The following CAPZB variants were observed in gnomAD, a reference collection of about 807,000 sequenced individuals.
CAPZB encodes capping actin protein of muscle Z-line subunit beta, also known as F-actin-capping protein subunit beta.
CAPZB carries 2 observed loss-of-function variants against 38.1 expected under a neutral mutation model. That is an observed-to-expected ratio of 0.05 (90% CI 0.02 to 0.17). CAPZB has a LOEUF of 0.17. Among genes scored for constraint, CAPZB ranks in the 10% least tolerant of loss-of-function variants. The pLI is 1.00. For missense variants in CAPZB, 161 were observed against 334.2 expected (o/e 0.48, Z 4.04); for synonymous variants, 107 against 127.4 (o/e 0.84, Z 1.08).
chr1:19,464,120 G>A (rs958008485), intron 1 of CAPZB, among the ~76,000 whole-genome samples: 1 of 151,584 alleles, frequency 6.6e-6, no homozygotes, highest in Non-Finnish European at 1.5e-5. Flanking sequence ...CTGGGAGACA[G>A]AGGTTGTAGT....
In CAPZB at chr1:19,485,463, G is replaced by C; in HGVS notation, c.-25C>G. 4 of 1,230,166 alleles carry C rather than the reference G, an allele frequency of 3.3e-6. No homozygotes were observed. Among genetic ancestry groups the C allele is most frequent in the Non-Finnish European group, 4.1e-6 (4 of 987,288 alleles). The allele number at this position is 1,230,166 out of a possible 1,614,324, so 76.2% of individuals were successfully genotyped here. On this transcript the variant is annotated 5_prime_UTR_variant, in exon 1 of 9. Coordinates refer to ENST00000264202, the MANE Select transcript of CAPZB (RefSeq NM_004930.5). ...TGGTGGCGGCGGCGGCGGCGGTCCCGGTCCCGGCGTCAGTGGCTCTCCCCC... is the reference window on the plus strand; with the variant it reads ...TGGTGGCGGCGGCGGCGGCGGTCCCCGTCCCGGCGTCAGTGGCTCTCCCCC...
At chr1:19,381,235 A>T (rs1242355049) in intron 3 of CAPZB, among the ~76,000 whole-genome samples, 1 of 151,972 alleles carries the variant, frequency 6.6e-6, no homozygotes, top group African/African-American at 2.4e-5. Context: ...TAAATAAAAT[A>T]AAAAAGCATG....
At chr1:19,371,443 G>A (rs1309934634) in intron 4 of CAPZB, among the ~76,000 whole-genome samples, 4 of 152,244 alleles carry the variant, frequency 2.6e-5, no homozygotes, top group Non-Finnish European at 1.5e-5. Flanking sequence ...GGGGTCTGAC[G>A]CACAGTGTGT....
intron 2 of CAPZB, among the ~76,000 whole-genome samples, chr1:19,394,936 G>A (rs902463392): frequency 6.6e-6 from 1 of 152,062 alleles, no homozygotes; most frequent in Non-Finnish European, 1.5e-5. Flanking sequence ...TCATGACGCA[G>A]GGAGACAGCA....
At chr1:19,417,670 AT>A (rs1246192947) in intron 2 of CAPZB, among the ~76,000 whole-genome samples, 2 of 152,170 alleles carry the variant, frequency 1.3e-5, no homozygotes, top group African/African-American at 4.8e-5. Flanking sequence ...ACTTTCAAGG[AT>A]ACCTCCTACC....
chr1:19,433,765 C>T (rs2094449667), intron 1 of CAPZB, among the ~76,000 whole-genome samples: 1 of 152,184 alleles, frequency 6.6e-6, no homozygotes, highest in Non-Finnish European at 1.5e-5. Context: ...GCTATTTCTT[C>T]CCTGGGCTCT....
chr1:19,471,052 T>A (rs2094585297), intron 1 of CAPZB, among the ~76,000 whole-genome samples: 1 of 152,228 alleles, frequency 6.6e-6, no homozygotes, highest in Non-Finnish European at 1.5e-5. Context: ...AAACCCTATA[T>A]ATACTGTTTT....
At chr1:19,376,147 C>A (rs538167985) in intron 4 of CAPZB, among the ~76,000 whole-genome samples, 1 of 152,310 alleles carries the variant, frequency 6.6e-6, no homozygotes, top group South Asian at 2.1e-4. Flanking sequence ...ATCAGAATCA[C>A]CCCCACCTCC....
chr1:19,423,254 A>G (rs1251098819), intron 1 of CAPZB, among the ~76,000 whole-genome samples: 2 of 152,220 alleles, frequency 1.3e-5, no homozygotes, highest in African/African-American at 4.8e-5. Flanking sequence ...CAACATGGGA[A>G]AGCTTAATGA....
At chr1:19,374,897 G>A (rs1193665486) in intron 4 of CAPZB, among the ~76,000 whole-genome samples, 1 of 152,226 alleles carries the variant, frequency 6.6e-6, no homozygotes, top group Non-Finnish European at 1.5e-5. Context: ...TGTTTGTATG[G>A]GGAAGGGCTA....
In CAPZB at chr1:19,485,490, C is replaced by T. The variant is rs537868097; in HGVS notation, c.-52G>A. The T allele has an allele frequency of 2.7e-5, 33 of 1,227,076 alleles. No homozygotes were observed. The South Asian group carries it at 3.7e-4, about 14-fold the overall frequency. The allele number at this position is 1,227,076 out of a possible 1,614,324, so 76.0% of individuals were successfully genotyped here. A position where few individuals can be genotyped will look rare whatever the true frequency, so the allele number is the denominator to read the frequency against. On this transcript the variant is annotated 5_prime_UTR_variant, in exon 1 of 9. Transcript: ENST00000264202. ...TCCCGGCGTCAGTGGCTCTCCCCCC[C>T]GCAGCAGGGCCCGGCGCTTCCACTT...
intron 2 of CAPZB, among the ~76,000 whole-genome samples, chr1:19,396,717 G>A (rs999950783): frequency 6.6e-6 from 1 of 151,022 alleles, no homozygotes; most frequent in Admixed American, 6.6e-5. Context: ...GAGGCAGGAG[G>A]ATCACTTGAG....
At chr1:19,354,019 G>A (rs76701080) in intron 6 of CAPZB, among the ~76,000 whole-genome samples, 5,918 of 152,290 alleles carry the variant, frequency 0.039, 137 homozygotes, top group African/African-American at 0.05. Context: ...AGCAGTCACC[G>A]AATGGCAGGC....
At chr1:19,454,474 G>T (rs2314345) in intron 1 of CAPZB, among the ~76,000 whole-genome samples, 95,665 of 151,984 alleles carry the variant, frequency 0.63, 30,166 homozygotes, top group East Asian at 0.67. Flanking sequence ...TTATATAAGA[G>T]TCCTAAGAGT....
intron 1 of CAPZB, among the ~76,000 whole-genome samples, chr1:19,430,492 G>C (rs955867286): frequency 6.6e-6 from 1 of 152,172 alleles, no homozygotes; most frequent in Non-Finnish European, 1.5e-5. Context: ...TGAACCTGGC[G>C]AAATGACAAA....
At chr1:19,374,864 A>C (rs1246255175) in intron 4 of CAPZB, among the ~76,000 whole-genome samples, 1 of 152,234 alleles carries the variant, frequency 6.6e-6, no homozygotes, top group Non-Finnish European at 1.5e-5. Flanking sequence ...AGGGGACAAC[A>C]AACAAGTCTT....
chr1:19,404,987 C>A (rs1442287911), intron 2 of CAPZB, among the ~76,000 whole-genome samples: 3 of 152,172 alleles, frequency 2.0e-5, no homozygotes, highest in African/African-American at 7.2e-5. Context: ...TGCATGCTCC[C>A]AGCCCCAGCT....
intron 1 of CAPZB, among the ~76,000 whole-genome samples, chr1:19,422,038 C>T (rs2094403254): frequency 6.6e-6 from 1 of 152,044 alleles, no homozygotes; most frequent in Non-Finnish European, 1.5e-5. Flanking sequence ...CAATACAAAG[C>T]TACGTATTCT....
intron 1 of CAPZB, among the ~76,000 whole-genome samples, chr1:19,427,826 C>T (rs550634283): frequency 5.3e-4 from 81 of 152,356 alleles, no homozygotes; most frequent in African/African-American, 1.5e-3. Context: ...CTTGGCGGAC[C>T]AAGCCTTCTT....
Sources: gnomAD v4.1 joint callset for allele counts (sites outside exome capture counted in the v4.1 genomes callset) on GRCh38, gnomAD v4.1.1 for gene constraint, MANE v1.5 for transcripts, NCBI Gene and HGNC (gene_info 2026-07-23, HGNC 2026-07-21) for gene names.